The following MDN1 variants were observed in gnomAD, a reference collection of about 807,000 sequenced individuals.
The protein encoded by MDN1 is midasin.
MDN1 carries 266 observed loss-of-function variants against 669.2 expected under a neutral mutation model. The ratio of observed to expected loss-of-function variants is 0.40; its 90% CI spans 0.36 to 0.44. The LOEUF is 0.44. Among genes scored for constraint, MDN1 ranks in the 20% least tolerant of loss-of-function variants. MDN1 has a pLI of 1.00. For synonymous variants in MDN1, 2,385 were observed against 2,457.1 expected (o/e 0.97, Z 0.87); for missense variants, 5,940 against 6,754.0 (o/e 0.88, Z 4.22).
chr6:89,717,048 A>T (rs1407401020), intron 43 of MDN1, among the ~76,000 whole-genome samples: 1 of 152,222 alleles, frequency 6.6e-6, no homozygotes, highest in African/African-American at 2.4e-5. Context: ...AGGGTGATAG[A>T]GGTGGCAAAT....
chr6:89,762,628 T>G (rs1269789435), intron 15 of MDN1, 98 bp from the exon 16 acceptor site: 1 of 800,654 alleles, frequency 1.2e-6, no homozygotes, highest in Admixed American at 2.7e-5. Context: ...CAGATTTCAT[T>G]TAATTAACGT....
intron 92 of MDN1, among the ~76,000 whole-genome samples, chr6:89,654,743 A>G (rs962959780): frequency 6.6e-6 from 1 of 152,206 alleles, no homozygotes; most frequent in Non-Finnish European, 1.5e-5. Flanking sequence ...AATGTTCCCA[A>G]CACAAAGAAA....
chr6:89,684,082 A>G (rs192422920), intron 71 of MDN1, among the ~76,000 whole-genome samples, 178 bp from the exon 72 acceptor site: 7 of 152,272 alleles, frequency 4.6e-5, no homozygotes, highest in Admixed American at 3.3e-4. Context: ...GGTGGCTCAC[A>G]CCTGTAATCC....
chr6:89,695,798 A>G lies in MDN1; in HGVS notation c.9578T>C (p.Leu3193Pro). Reference protein sequence around the residue: ...MAGQEVLPKELLCQLLTSLHH... With the variant: ...MAGQEVLPKEPLCQLLTSLHH... ...CAGGGAGGTGAGCAACTGGCAGAGC[A>G]GTTCCTTGGGCAGCACCTCCTGACC... Residue 3193 changes from leucine (L) to proline (P), a missense_variant, in exon 61 of 102, where the codon CTG (leucine) becomes CCG (proline). Transcript: ENST00000369393. The surrounding 1 kb of genome is among the most constrained non-coding windows in gnomAD (Gnocchi z 4.1). The G allele has an allele frequency of 6.2e-7, 1 of 1,613,662 alleles. No homozygotes were observed. Among genetic ancestry groups the G allele is most frequent in the African/African-American group, 1.3e-5 (1 of 75,042 alleles).
At position 89,740,333 on chromosome 6, in the gene MDN1, A is replaced by T; in HGVS notation, c.4494T>A (p.Ser1498Arg). 4.4e-6 allele frequency: 7 copies of T among 1,595,884 alleles called. No individual in the cohort carries two copies. Among genetic ancestry groups the T allele is most frequent in the Non-Finnish European group, 5.1e-6 (6 of 1,175,230 alleles). Reference protein sequence around the residue: ...EKSLVLAEKGSPEDKDSEIEL... With the variant: ...EKSLVLAEKGRPEDKDSEIEL... ...CTATTTCACTATCCTTGTCCTCTGGACTGCCTTTTTCAGCTAATACCAGAG... is the reference window on the plus strand; with the variant it reads ...CTATTTCACTATCCTTGTCCTCTGGTCTGCCTTTTTCAGCTAATACCAGAG... Residue 1498 changes from serine (S) to arginine (R), a missense_variant, in exon 32 of 102, where the codon AGT becomes AGA. Ser to Arg is a moderately radical substitution (Grantham distance 110). This residue lies in a region of MDN1 where 2,292 missense variants were observed against 2,638.3 expected (regional missense o/e 0.87). Coordinates refer to ENST00000369393, the MANE Select transcript of MDN1 (RefSeq NM_014611.3).
At chr6:89,710,964 C>A (rs1026325610) in intron 49 of MDN1, among the ~76,000 whole-genome samples, 170 bp from the exon 50 acceptor site, 1 of 152,144 alleles carries the variant, frequency 6.6e-6, no homozygotes, top group Admixed American at 6.5e-5. Flanking sequence ...TTTTTTAAAT[C>A]TAATCTACAT....
intron 96 of MDN1, 37 bp from the exon 97 acceptor site, chr6:89,650,235 C>G (rs1386204961): frequency 1.9e-6 from 3 of 1,579,818 alleles, no homozygotes; most frequent in Non-Finnish European, 2.6e-6. Context: ...TAGTTAACAA[C>G]TTTTAATTCC....
chr6:89,771,701 G>T, intron 14 of MDN1, 80 bp from the exon 15 acceptor site: 3 of 1,234,426 alleles, frequency 2.4e-6, no homozygotes, highest in African/African-American at 1.5e-5. Context: ...AAGGCTGTGG[G>T]AATATGGCAT....
At position 89,754,214 on chromosome 6, in the gene MDN1, G is replaced by C. The variant is rs781564679; in HGVS notation, c.2833C>G (p.Arg945Gly). The change falls in exon 21 of 102, where the codon CGG (arginine) becomes GGG (glycine). Residue 945 changes from arginine (R) to glycine (G), a missense_variant. Physicochemically the swap from Arg to Gly is moderately radical, Grantham distance 125 (BLOSUM62 -2). Around this residue, in one of 5 missense-constraint regions of MDN1, gnomAD observed 1,203 missense variants for 1,268.9 expected, o/e 0.95. Coordinates refer to ENST00000369393, the MANE Select transcript of MDN1 (RefSeq NM_014611.3). ...QGIINFYTAL[R>G]KESGTKLVDG... is the part of the protein sequence containing the mutation. Reference sequence around the variant, plus strand: ...ACCAGTTTGGTCCCAGACTCTTTCCGCAAAGCTGTGTAGAAGCTACAAATA... The same window carrying C: ...ACCAGTTTGGTCCCAGACTCTTTCCCCAAAGCTGTGTAGAAGCTACAAATA... 2 of 1,613,520 alleles carry C rather than the reference G, an allele frequency of 1.2e-6. No homozygotes were observed. The highest frequency in any genetic ancestry group is 2.7e-5 in the African/African-American group (2 of 74,878).
chr6:89,761,864 T>C, intron 16 of MDN1, 116 bp from the exon 17 acceptor site: 1 of 737,620 alleles, frequency 1.4e-6, no homozygotes, highest in South Asian at 2.0e-5. Context: ...CACAAAACAC[T>C]AAGTCTAAAA....
rs148830859 is a variant in MDN1, at chr6:89,794,772, G to T, written c.359C>A (p.Ser120Tyr). Residue 120 changes from serine to tyrosine, a missense_variant, in exon 3 of 102, where the codon TCC (serine) becomes TAC (tyrosine). Around this residue, in one of 5 missense-constraint regions of MDN1, gnomAD observed 1,203 missense variants for 1,268.9 expected, o/e 0.95. Coordinates refer to ENST00000369393, the MANE Select transcript of MDN1 (RefSeq NM_014611.3). ...PFALRYFKDT[S>Y]PVFQRLFLES... is the part of the protein sequence containing the mutation. ...TAGGAAAAGTCTTTGAAAGACTGGG[G>T]ATGTGTCCTTGAAATATCTCAGGGC... 2 of 1,614,142 alleles carry T rather than the reference G, an allele frequency of 1.2e-6. No homozygotes were observed. The highest frequency in any genetic ancestry group is 4.5e-5 in the East Asian group (2 of 44,890).
rs1817515424 is a variant in MDN1, at chr6:89,761,022, C to T, written c.2460+623G>A. On this transcript the variant is annotated intron_variant, in intron 17 of 101. Transcript: ENST00000369393. ...AAAAATACAAAAACAAAAAATTAGC[C>T]GGGCATGGTGGCATGCACCTGTAGT... Among the ~76,000 whole-genome samples the T allele has an allele frequency of 2.0e-5, 3 of 152,034 alleles. 1 individual carries two copies. Among genetic ancestry groups the T allele is most frequent in the East Asian group, 3.9e-4 (2 of 5,180 alleles).
At chr6:89,649,247 CA>C (rs1346810480) in intron 97 of MDN1, among the ~76,000 whole-genome samples, 3 of 152,206 alleles carry the variant, frequency 2.0e-5, no homozygotes, top group African/African-American at 7.2e-5. Context: ...ATCTTCATAA[CA>C]ATTCTGCAAG....
At chr6:89,652,891 T>C (rs1344528206) in intron 94 of MDN1, 101 bp downstream of exon 94, 13 of 1,242,928 alleles carry the variant, frequency 1.0e-5, no homozygotes, top group Non-Finnish European at 1.5e-5. Flanking sequence ...CAACCAGATG[T>C]TCCATAAAGT....
chr6:89,732,587 A>T lies in MDN1; in HGVS notation c.4912T>A (p.Cys1638Ser), dbSNP rs771421994. 6.2e-7 allele frequency: 1 copy of T among 1,614,166 alleles called. No homozygotes were observed. Among genetic ancestry groups the T allele is most frequent in the Non-Finnish European group, 8.5e-7 (1 of 1,180,008 alleles). Residue 1638 changes from cysteine to serine, a missense_variant, in exon 34 of 102, where the codon TGC becomes AGC. Coordinates refer to ENST00000369393, the MANE Select transcript of MDN1 (RefSeq NM_014611.3). ...STVTSFVHAA[C>S]LVYIDGIGSG... is the part of the protein sequence containing the mutation. The stretch of plus-strand genomic sequence containing the variant: ...CCTATTCCATCTATGTACACCAGGC[A>T]TGCAGCATGGACAAAAGATGTCACA...
intron 1 of MDN1, among the ~76,000 whole-genome samples, chr6:89,803,891 T>TTTC (rs779077240): frequency 0.12 from 7,423 of 60,226 alleles, 628 homozygotes; most frequent in Non-Finnish European, 0.17. Context: ...TTTTCTTTTC[T>TTTC]TTTCTTTTTT....
In MDN1 at chr6:89,714,545, A is replaced by C; in HGVS notation, c.7067T>G (p.Val2356Gly). The C allele has an allele frequency of 6.2e-7, 1 of 1,600,290 alleles. No individual in the cohort carries two copies. The highest frequency in any genetic ancestry group is 8.5e-7 in the Non-Finnish European group (1 of 1,173,114). ...GGCCCAAAAGTCAAGCACCTCACCT[A>C]CAACAGTGCTCCGGGTCTCTGTGTG... ...ALHTETRSTV[V>G]GSPTSSVSTL... The change falls in exon 46 of 102, where the codon GTA (valine) becomes GGA (glycine). Residue 2356 changes from valine to glycine, a missense_variant and splice_region_variant. Physicochemically the swap from Val to Gly is moderately radical, Grantham distance 109. Transcript: ENST00000369393.
At chr6:89,813,450 C>A (rs1768586007) in intron 1 of MDN1, among the ~76,000 whole-genome samples, 1 of 150,454 alleles carries the variant, frequency 6.6e-6, no homozygotes, top group Non-Finnish European at 1.5e-5. Context: ...ACTTGGGAGG[C>A]TGAAACAGGA....
chr6:89,658,815 T>C lies in MDN1; in HGVS notation c.14816A>G (p.Gln4939Arg), dbSNP rs752192639. 3.7e-6 allele frequency: 6 copies of C among 1,614,116 alleles called. No individual in the cohort carries two copies. The highest frequency in any genetic ancestry group is 1.7e-6 in the Non-Finnish European group (2 of 1,180,054). The stretch of plus-strand genomic sequence containing the variant: ...TTCACTGGGGCCTTCCTCAGGCTCC[T>C]GTGGACTCTGACTTTCGTTCTGGTC... ...ETDQNESQSP[Q>R]EPEEGPSEDD... is the part of the protein sequence containing the mutation. Residue 4939 changes from glutamine to arginine, a missense_variant, in exon 89 of 102, where the codon CAG becomes CGG. This residue lies in a region of MDN1 where 2,280 missense variants were observed against 2,576.3 expected (regional missense o/e 0.88). Coordinates refer to ENST00000369393, the MANE Select transcript of MDN1 (RefSeq NM_014611.3).
Sources: gnomAD v4.1 joint callset for allele counts (sites outside exome capture counted in the v4.1 genomes callset) on GRCh38, gnomAD v4.1.1 for gene constraint, gnomAD v4.1.1 regional missense constraint, Gnocchi (gnomAD v3.1) non-coding constraint, MANE v1.5 for transcripts, NCBI Gene and HGNC (gene_info 2026-07-23, HGNC 2026-07-21) for gene names.